The following MAPKAPK5 variants were observed in gnomAD, a reference collection of about 807,000 sequenced individuals.
MAPKAPK5 encodes MAPK activated protein kinase 5.
Under a neutral mutation model 65.1 loss-of-function variants are expected in MAPKAPK5, and 30 were observed. That is an observed-to-expected ratio of 0.46 (90% CI 0.34 to 0.63). The LOEUF (loss-of-function observed/expected upper bound fraction) is 0.63, where lower values mean the gene tolerates loss of function less well. MAPKAPK5 is among the 20% of genes least tolerant of loss of function. MAPKAPK5 has a pLI of 0.01. For synonymous variants in MAPKAPK5, 179 were observed against 204.6 expected, an observed-to-expected ratio of 0.87 and a Z score of 1.07; for missense variants, 433 against 581.4, an observed-to-expected ratio of 0.74 and a Z score of 2.63.
At chr12:111,858,540 CTTTTTT>C (rs60767498) in intron 1 of MAPKAPK5, among the ~76,000 whole-genome samples, 6 of 126,746 alleles carry the variant, frequency 4.7e-5, no homozygotes, top group African/African-American at 1.9e-4. Flanking sequence ...TTGAGCACCT[CTTTTTT>C]TTTTTTTTTT....
At chr12:111,891,317 G>A (rs920939044) in intron 13 of MAPKAPK5, among the ~76,000 whole-genome samples, 3 of 149,112 alleles carry the variant, frequency 2.0e-5, no homozygotes, top group Non-Finnish European at 3.0e-5. Flanking sequence ...GGCCAGGCTC[G>A]TCTCGAACTC....
At chr12:111,856,414 T>TC (rs1255562717) in intron 1 of MAPKAPK5, among the ~76,000 whole-genome samples, 1 of 150,664 alleles carries the variant, frequency 6.6e-6, no homozygotes, top group Non-Finnish European at 1.5e-5. Context: ...TCTTTCTTTT[T>TC]TTTTTTTTTG....
At chr12:111,880,696 T>G (rs2136136032) in intron 8 of MAPKAPK5, among the ~76,000 whole-genome samples, 169 bp downstream of exon 8, 1 of 152,364 alleles carries the variant, frequency 6.6e-6, no homozygotes, top group Non-Finnish European at 1.5e-5. Context: ...AGTTTTTGTT[T>G]GATGAAATAT....
intron 1 of MAPKAPK5, among the ~76,000 whole-genome samples, chr12:111,861,283 T>G (rs1349550899): frequency 2.0e-5 from 3 of 152,050 alleles, no homozygotes; most frequent in Non-Finnish European, 4.4e-5. Context: ...ACAAGTAGTA[T>G]TAGAATCCCC....
chr12:111,877,930 G>A (rs1240374792), intron 7 of MAPKAPK5, among the ~76,000 whole-genome samples: 1 of 151,462 alleles, frequency 6.6e-6, no homozygotes, highest in Non-Finnish European at 1.5e-5. Context: ...GGGCTCAAGT[G>A]ATCCTCCTGC....
Position 111,859,944 on chromosome 12 carries a change from C to T in MAPKAPK5, c.37-5306C>T, listed in dbSNP as rs11066050. On this transcript the variant is annotated intron_variant, in intron 1 of 13. Transcript: ENST00000550735. ...GATTACAGGCGTGAGCCACCGTGCC[C>T]AGCGAATCCCAGCTACTTGGGAGGC... Among the ~76,000 whole-genome samples the T allele has an allele frequency of 0.055, 8,446 of 152,284 alleles. 1,298 individuals carry two copies. The East Asian group carries it at 0.61, about 11-fold the overall frequency.
At chr12:111,855,790 G>C (rs944649205) in intron 1 of MAPKAPK5, among the ~76,000 whole-genome samples, 1 of 150,990 alleles carries the variant, frequency 6.6e-6, no homozygotes, top group South Asian at 2.1e-4. Context: ...TTGCGCCACT[G>C]TACTCCAGCC....
chr12:111,886,363 A>G (rs971246942), intron 10 of MAPKAPK5, among the ~76,000 whole-genome samples: 1 of 152,252 alleles, frequency 6.6e-6, no homozygotes, highest in African/African-American at 2.4e-5. Context: ...AGGCAAGGCC[A>G]ATAAACATGA....
intron 1 of MAPKAPK5, among the ~76,000 whole-genome samples, chr12:111,845,220 G>A (rs572795791): frequency 2.6e-5 from 4 of 152,200 alleles, no homozygotes; most frequent in African/African-American, 9.6e-5. Context: ...CTCCTCCCAG[G>A]TTCAAGCAAT....
intron 1 of MAPKAPK5, among the ~76,000 whole-genome samples, chr12:111,852,838 A>G (rs2069126784): frequency 1.3e-5 from 2 of 152,100 alleles, no homozygotes; most frequent in African/African-American, 2.4e-5. Context: ...CAGTAGTGCA[A>G]TCTCGGCTGA....
rs150495619 is a variant in MAPKAPK5, at chr12:111,892,970, G to A, written c.1325G>A (p.Arg442His). The A allele has an allele frequency of 8.5e-4, 1,339 of 1,567,376 alleles. 19 individuals are homozygous for A. In the East Asian group the frequency reaches 0.027, roughly 31 times the overall value. Residue 442 changes from arginine to histidine, a missense_variant, in exon 14 of 14, where the codon CGT becomes CAT. By Grantham distance (29) the Arg-to-His change is conservative. Around this residue, in one of 3 missense-constraint regions of MAPKAPK5, gnomAD observed 169 missense variants for 215.6 expected, o/e 0.78. Coordinates refer to ENST00000550735, the MANE Select transcript of MAPKAPK5 (RefSeq NM_003668.4). ...DTLQSFSWNG[R>H]GFTDKVDRLK... ...CTTGTTCTTTTTTTGCTTTCAGGTC[G>A]TGGATTCACAGATAAAGTAGATCGA...
intron 12 of MAPKAPK5, chr12:111,889,712 T>C (rs1307726541): frequency 4.1e-6 from 1 of 243,800 alleles, no homozygotes; most frequent in Non-Finnish European, 8.2e-6. Context: ...GGAGAGAAAG[T>C]AGCCCACTCT....
chr12:111,899,282 T>TA lies in MAPKAPK5; in HGVS notation c.*6225dup, dbSNP rs1311129794. ...TGGGCCATGTCACTGGTGGCATTAT[T>TA]AAAAGACTCTGCCAACATCCTGCTT... On this transcript the variant is annotated 3_prime_UTR_variant, in exon 14 of 14. Coordinates refer to ENST00000550735, the MANE Select transcript of MAPKAPK5 (RefSeq NM_003668.4). 2 of 152,956 alleles carry TA rather than the reference T, an allele frequency of 1.3e-5. No individual in the cohort carries two copies. Among genetic ancestry groups the TA allele is most frequent in the Non-Finnish European group, 2.9e-5 (2 of 68,636 alleles). 9.5% of individuals were successfully genotyped at this position (152,956 alleles called of 1,614,324 possible).
intron 1 of MAPKAPK5, among the ~76,000 whole-genome samples, chr12:111,860,567 C>G (rs2069405018): frequency 1.3e-5 from 2 of 152,154 alleles, no homozygotes; most frequent in South Asian, 4.1e-4. Flanking sequence ...CCTAGAGCAG[C>G]AGAACTGCTG....
intron 9 of MAPKAPK5, chr12:111,885,630 CATAT>C: frequency 3.1e-6 from 1 of 324,402 alleles, no homozygotes; most frequent in South Asian, 6.9e-5. Flanking sequence ...AACTATAAGC[CATAT>C]GTAGGATTAC....
rs2070830742 is a variant in MAPKAPK5 at position 111,896,628 on chromosome 12, T to C, written c.*3567T>C. Reference sequence around the variant, plus strand: ...ACCTGTGGAAACATAACACTGTAAATATAATTCTTATAAAGCAGCAGGTTA... The same window carrying C: ...ACCTGTGGAAACATAACACTGTAAACATAATTCTTATAAAGCAGCAGGTTA... On this transcript the variant is annotated 3_prime_UTR_variant, in exon 14 of 14. Coordinates refer to ENST00000550735, the MANE Select transcript of MAPKAPK5 (RefSeq NM_003668.4). 1 of 152,212 alleles carries C rather than the reference T, an allele frequency of 6.6e-6. No homozygotes were observed. Among genetic ancestry groups the C allele is most frequent in the Non-Finnish European group, 1.5e-5 (1 of 68,050 alleles). The allele number at this position is 152,212 out of a possible 1,614,324, so 9.4% of individuals were successfully genotyped here.
intron 9 of MAPKAPK5, chr12:111,885,594 T>G (rs2070373024): frequency 4.4e-6 from 1 of 225,642 alleles, no homozygotes. Context: ...CCTAGAAACC[T>G]CAGTATGGAG....
At chr12:111,843,973 C>G (rs550978926) in intron 1 of MAPKAPK5, among the ~76,000 whole-genome samples, 2 of 151,986 alleles carry the variant, frequency 1.3e-5, no homozygotes, top group East Asian at 3.9e-4. Context: ...CCCACCACGC[C>G]CTGCTAATTT....
chr12:111,886,004 G>T lies in MAPKAPK5; in HGVS notation c.937G>T (p.Val313Leu), dbSNP rs2070390810. 1 of 1,613,874 alleles carries T rather than the reference G, an allele frequency of 6.2e-7. No individual in the cohort carries two copies. The highest frequency in any genetic ancestry group is 8.5e-7 in the Non-Finnish European group (1 of 1,179,902). Residue 313 changes from valine to leucine, a missense_variant, in exon 10 of 14, where the codon GTG (valine) becomes TTG (leucine). Physicochemically the swap from Val to Leu is conservative, Grantham distance 32. This residue lies in a region of MAPKAPK5 where 169 missense variants were observed against 215.6 expected (regional missense o/e 0.78). Transcript: ENST00000550735. ...WLNSTEALDN[V>L]LPSAQLMMDK... ...CAATTCCACCGAGGCCCTGGATAAT[G>T]TGCTGCCTTCTGCTCAGCTGATGAT...
Sources: allele counts gnomAD v4.1 joint callset (sites outside exome capture counted in the v4.1 genomes callset), GRCh38; gene constraint gnomAD v4.1.1; regional missense constraint gnomAD v4.1.1; transcripts MANE v1.5; gene names NCBI Gene and HGNC (gene_info 2026-07-23, HGNC 2026-07-21).